SLCO1B3: variants seen among roughly 807,000 people sequenced by gnomAD.
SLCO1B3 encodes liver-specific organic anion transporter 2.
In SLCO1B3, 72 loss-of-function variants were observed where a neutral mutation model predicts 71.8. The ratio of observed to expected loss-of-function variants is 1.00; its 90% CI spans 0.83 to 1.22. The LOEUF (loss-of-function observed/expected upper bound fraction) is 1.22, where lower values mean the gene tolerates loss of function less well. Ranked by LOEUF, SLCO1B3 falls within the 50% of genes most tolerant of loss-of-function variation. The pLI is 0.00. For missense variants in SLCO1B3, 911 were observed against 819.7 expected (o/e 1.11, Z -1.36); for synonymous variants, 298 against 278.4 (o/e 1.07, Z -0.70).
At chr12:20,849,710 ATCACACACACACACAC>A (rs1864984263) in intron 3 of SLCO1B3, among the ~76,000 whole-genome samples, 1 of 106,276 alleles carries the variant, frequency 9.4e-6, no homozygotes, top group Non-Finnish European at 1.8e-5. Context: ...ATAGTAGAAA[ATCACACACACACACAC>A]ACACACACAC....
At chr12:20,900,145 C>T (rs1374515607) in intron 14 of SLCO1B3, among the ~76,000 whole-genome samples, 2 of 151,962 alleles carry the variant, frequency 1.3e-5, no homozygotes, top group African/African-American at 4.8e-5. Context: ...TTCTAAGGGT[C>T]GCTGTGATTT....
intron 14 of SLCO1B3, 63 bp from the exon 15 acceptor site, chr12:20,901,287 C>A: frequency 9.8e-7 from 1 of 1,020,602 alleles, no homozygotes; most frequent in Non-Finnish European, 1.5e-6. Context: ...TCAATATCGA[C>A]TATCGCTCAG....
chr12:20,811,601 C>A (rs1381977903), intron 1 of SLCO1B3, among the ~76,000 whole-genome samples: 1 of 152,116 alleles, frequency 6.6e-6, no homozygotes, highest in Non-Finnish European at 1.5e-5. Context: ...CAGAAATAAG[C>A]AGAGGCTGGT....
At chr12:20,865,721 A>G (rs1865360334) in intron 8 of SLCO1B3, among the ~76,000 whole-genome samples, 1 of 152,158 alleles carries the variant, frequency 6.6e-6, no homozygotes, top group African/African-American at 2.4e-5. Context: ...TTGTGAATAC[A>G]TAAAATATAT....
At chr12:20,810,979 A>C (rs1373874011) in intron 1 of SLCO1B3, among the ~76,000 whole-genome samples, 1 of 152,206 alleles carries the variant, frequency 6.6e-6, no homozygotes, top group Non-Finnish European at 1.5e-5. Context: ...ATAAGAGTAA[A>C]TCATACCTTT....
chr12:20,881,089 AT>A, intron 12 of SLCO1B3, 69 bp downstream of exon 12: 1 of 1,168,978 alleles, frequency 8.6e-7, no homozygotes, highest in Non-Finnish European at 1.2e-6. Context: ...ATAAATACTT[AT>A]CAAATCTTCC....
At chr12:20,909,884 T>G (rs10841704) in intron 15 of SLCO1B3, among the ~76,000 whole-genome samples, 4 of 152,120 alleles carry the variant, frequency 2.6e-5, no homozygotes, top group African/African-American at 9.7e-5. Context: ...ATTAATATGA[T>G]GAATTATATA....
chr12:20,877,779 C>G lies in SLCO1B3; in HGVS notation c.978C>G (p.Phe326Leu). ...KNVTKNVTGFFQSLKSILTNP... is the reference protein window; with the variant it reads ...KNVTKNVTGFLQSLKSILTNP... ...ATTTTTATAACTCTATAGGTTTTTTCCAGTCTTTGAAAAGCATCCTTACCA... is the reference window on the plus strand; with the variant it reads ...ATTTTTATAACTCTATAGGTTTTTTGCAGTCTTTGAAAAGCATCCTTACCA... The change falls in exon 10 of 16, where the codon TTC becomes TTG. Residue 326 changes from phenylalanine (F) to leucine (L), a missense_variant. Coordinates refer to ENST00000381545, the MANE Select transcript of SLCO1B3 (RefSeq NM_019844.4). The G allele has an allele frequency of 7.1e-7, 1 of 1,410,032 alleles. No individual in the cohort carries two copies. The highest frequency in any genetic ancestry group is 9.4e-7 in the Non-Finnish European group (1 of 1,064,936). The allele number at this position is 1,410,032 out of a possible 1,614,324, so 87.3% of individuals were successfully genotyped here.
intron 9 of SLCO1B3, among the ~76,000 whole-genome samples, 162 bp from the exon 10 acceptor site, chr12:20,877,610 G>C (rs950082162): frequency 6.6e-6 from 1 of 151,964 alleles, no homozygotes; most frequent in African/African-American, 2.4e-5. Flanking sequence ...TTAACAATTT[G>C]GTTAATTCAC....
chr12:20,868,330 G>A (rs1215405943), intron 8 of SLCO1B3, among the ~76,000 whole-genome samples: 5 of 152,120 alleles, frequency 3.3e-5, no homozygotes, highest in Admixed American at 2.0e-4. Context: ...TCAACTGTTT[G>A]GGGGGTCAGC....
At chr12:20,860,267 T>C (rs1456149719) in intron 5 of SLCO1B3, among the ~76,000 whole-genome samples, 2 of 152,224 alleles carry the variant, frequency 1.3e-5, no homozygotes, top group Admixed American at 1.3e-4. Flanking sequence ...TGATCATTTC[T>C]TTTTTGTGGG....
At chr12:20,880,265 G>A (rs1865663560) in intron 11 of SLCO1B3, among the ~76,000 whole-genome samples, 1 of 148,822 alleles carries the variant, frequency 6.7e-6, no homozygotes, top group African/African-American at 2.4e-5. Context: ...CAGAAAATAT[G>A]CAGAGATTTT....
At position 20,880,867 on chromosome 12, in the gene SLCO1B3, G is replaced by C; in HGVS notation, c.1344G>C (p.Val448=). The part of the protein sequence containing the change: ...LTLTYDGNNS[V]ASHVDVPLSY... Reference sequence around the variant, plus strand: ...CATATATTTTCAGAAATAATTCAGTGGCATCTCATGTAGATGTACCACTTT... The same window carrying C: ...CATATATTTTCAGAAATAATTCAGTCGCATCTCATGTAGATGTACCACTTT... The change falls in exon 12 of 16, where the codon GTG becomes GTC. Residue 448 remains valine (V), a synonymous_variant. Coordinates refer to ENST00000381545, the MANE Select transcript of SLCO1B3 (RefSeq NM_019844.4). The C allele has an allele frequency of 6.3e-7, 1 of 1,588,690 alleles. No individual in the cohort carries two copies. Among genetic ancestry groups the C allele is most frequent in the South Asian group, 1.1e-5 (1 of 87,306 alleles).
rs1196599334 is a variant in SLCO1B3 at position 20,877,906 on chromosome 12, C to A, written c.1105C>A (p.Gln369Lys). The part of the protein sequence containing the change: ...VFKYMEQQYG[Q>K]SASHANFLLG... The stretch of plus-strand genomic sequence containing the variant: ...TAAATATATGGAGCAACAGTACGGT[C>A]AGTCTGCATCTCATGCTAACTTTTT... Residue 369 changes from glutamine to lysine, a missense_variant, in exon 10 of 16, where the codon CAG becomes AAG. Physicochemically the swap from Gln to Lys is moderately conservative, Grantham distance 53 (BLOSUM62 1). Transcript: ENST00000381545. The A allele has an allele frequency of 1.3e-6, 2 of 1,588,356 alleles. No homozygotes were observed. The highest frequency in any genetic ancestry group is 1.8e-5 in the Admixed American group (1 of 55,170).
intron 14 of SLCO1B3, among the ~76,000 whole-genome samples, chr12:20,899,371 C>T (rs1461721199): frequency 1.3e-5 from 2 of 151,984 alleles, no homozygotes; most frequent in South Asian, 2.1e-4. Context: ...TGATTATGGT[C>T]CATAGGTAAC....
rs1417640145 is a variant in SLCO1B3 at position 20,880,864 on chromosome 12, A to G, written c.1341A>G (p.Ser447=). 6.3e-7 allele frequency: 1 copy of G among 1,589,484 alleles called. No homozygotes were observed. The highest frequency in any genetic ancestry group is 2.3e-5 in the East Asian group (1 of 44,270). The change falls in exon 12 of 16, where the codon TCA becomes TCG. Residue 447 remains serine, a synonymous_variant. Coordinates refer to ENST00000381545, the MANE Select transcript of SLCO1B3 (RefSeq NM_019844.4). ...GLTLTYDGNN[S]VASHVDVPLS... ...TATCATATATTTTCAGAAATAATTC[A>G]GTGGCATCTCATGTAGATGTACCAC...
At chr12:20,870,915 A>G (rs750464566) in intron 8 of SLCO1B3, among the ~76,000 whole-genome samples, 80 of 152,190 alleles carry the variant, frequency 5.3e-4, no homozygotes, top group Non-Finnish European at 6.3e-4. Context: ...AATTTTATCA[A>G]GTGCTTTTTT....
At chr12:20,894,042 G>C (rs564433661) in intron 13 of SLCO1B3, among the ~76,000 whole-genome samples, 1 of 152,258 alleles carries the variant, frequency 6.6e-6, no homozygotes, top group Non-Finnish European at 1.5e-5. Context: ...GCTATCTATT[G>C]TTAGGGTTTC....
intron 3 of SLCO1B3, among the ~76,000 whole-genome samples, chr12:20,820,437 C>T (rs1377835750): frequency 6.6e-6 from 1 of 152,080 alleles, no homozygotes; most frequent in Non-Finnish European, 1.5e-5. Flanking sequence ...CATTACTTGG[C>T]CTGGTGGTCA....
Sources: allele counts gnomAD v4.1 joint callset (sites outside exome capture counted in the v4.1 genomes callset), GRCh38; gene constraint gnomAD v4.1.1; transcripts MANE v1.5; gene names NCBI Gene and HGNC (gene_info 2026-07-23, HGNC 2026-07-21).